Variants in SRD5A2 observed in about 807,000 individuals in gnomAD.
SRD5A2 encodes the protein 3-oxo-5-alpha-steroid 4-dehydrogenase 2.
A neutral mutation model predicts 27.4 loss-of-function variants in SRD5A2; 30 were observed. The ratio of observed to expected loss-of-function variants is 1.10; its 90% confidence interval spans 0.82 to 1.49. The LOEUF is 1.49. SRD5A2 is among the 40% of genes most tolerant of loss of function. The probability of loss-of-function intolerance (pLI) is 0.00; values close to 1 mark genes in which losing one functional copy is unlikely to be tolerated. For synonymous variants in SRD5A2, 141 were observed against 133.6 expected (o/e 1.06, Z -0.38); for missense variants, 348 against 323.4 (o/e 1.08, Z -0.58).
At chr2:31,532,951 C>A (rs1158407830) in intron 2 of SRD5A2, among the ~76,000 whole-genome samples, 1 of 152,096 alleles carries the variant, frequency 6.6e-6, no homozygotes, top group Non-Finnish European at 1.5e-5. Flanking sequence ...GGGGGCAAAG[C>A]CTTCTAGGCC....
chr2:31,619,640 G>C, the SRD5A2 span, among the ~76,000 whole-genome samples: 2 of 151,962 alleles, frequency 1.3e-5, no homozygotes, highest in Non-Finnish European at 2.9e-5. Context: ...CATTCAGACT[G>C]GTGTGAGGTG....
At chr2:31,609,037 G>A in the SRD5A2 span, among the ~76,000 whole-genome samples, 2 of 152,016 alleles carry the variant, frequency 1.3e-5, no homozygotes, top group Admixed American at 6.6e-5. Context: ...TCTACCACAT[G>A]AGAACACAAT....
At chr2:31,544,369 C>T (rs1258871772) in intron 1 of SRD5A2, among the ~76,000 whole-genome samples, 1 of 151,630 alleles carries the variant, frequency 6.6e-6, no homozygotes, top group Non-Finnish European at 1.5e-5. Flanking sequence ...CTGACCACAA[C>T]AGGATAAAGT....
chr2:31,652,915 C>T, the SRD5A2 span, among the ~76,000 whole-genome samples: 1 of 152,118 alleles, frequency 6.6e-6, no homozygotes, highest in African/African-American at 2.4e-5. Flanking sequence ...TCCTCTCTGC[C>T]AATGTGTGAG....
intron 2 of SRD5A2, among the ~76,000 whole-genome samples, chr2:31,532,465 T>C (rs1665930828): frequency 6.6e-6 from 1 of 151,896 alleles, no homozygotes; most frequent in Non-Finnish European, 1.5e-5. Flanking sequence ...CTTAGCCACA[T>C]ATCCTGGAGG....
the SRD5A2 span, among the ~76,000 whole-genome samples, chr2:31,598,170 C>T: frequency 2.0e-5 from 3 of 151,838 alleles, no homozygotes; most frequent in Non-Finnish European, 4.4e-5. Flanking sequence ...TAGTTGGATA[C>T]CATTATTTAA....
chr2:31,649,728 C>T, the SRD5A2 span, among the ~76,000 whole-genome samples: 1 of 152,044 alleles, frequency 6.6e-6, no homozygotes, highest in African/African-American at 2.4e-5. Context: ...TTCAGTATAG[C>T]ATTTTTTGAA....
At chr2:31,600,630 AC>A in the SRD5A2 span, among the ~76,000 whole-genome samples, 1 of 151,760 alleles carries the variant, frequency 6.6e-6, no homozygotes, top group Non-Finnish European at 1.5e-5. Flanking sequence ...GTACCACCAA[AC>A]TTTTAAAGAA....
the SRD5A2 span, among the ~76,000 whole-genome samples, chr2:31,596,362 T>G: frequency 8.1e-6 from 1 of 123,964 alleles, no homozygotes; most frequent in Non-Finnish European, 1.6e-5. Flanking sequence ...CACTCCAGCC[T>G]GGGTGACAGA....
the SRD5A2 span, among the ~76,000 whole-genome samples, chr2:31,630,311 C>T: frequency 4.1e-5 from 6 of 147,532 alleles, no homozygotes; most frequent in African/African-American, 7.5e-5. Context: ...GAGAGAGAGA[C>T]AGAGAGAGAG....
At chr2:31,627,123 T>C in the SRD5A2 span, among the ~76,000 whole-genome samples, 69 of 152,224 alleles carry the variant, frequency 4.5e-4, no homozygotes, top group Non-Finnish European at 8.1e-4. Flanking sequence ...CCATTTCTTC[T>C]AGATTTTCTA....
upstream of SRD5A2, among the ~76,000 whole-genome samples, chr2:31,585,372 C>T (rs534606363): frequency 2.2e-4 from 33 of 152,214 alleles, no homozygotes; most frequent in African/African-American, 7.5e-4. Context: ...GGCTGCACAA[C>T]TCACAACTCT....
Position 31,533,585 on chromosome 2 carries a change from G to T in SRD5A2, c.445+18C>A, listed in dbSNP as rs963617915. ...TTGTTAGCTGGGAAGTAGGTGAGAAGTGGGCAGATTCACTTACCCAAGCTA... is the reference window on the plus strand; with the variant it reads ...TTGTTAGCTGGGAAGTAGGTGAGAATTGGGCAGATTCACTTACCCAAGCTA... On this transcript the variant is annotated intron_variant, in intron 2 of 4. Coordinates refer to ENST00000622030, the MANE Select transcript of SRD5A2 (RefSeq NM_000348.4). 6 of 1,549,780 alleles carry T rather than the reference G, an allele frequency of 3.9e-6. No homozygotes were observed. In the African/African-American group the frequency reaches 6.8e-5, roughly 18 times the overall value.
At chr2:31,654,736 C>G in the SRD5A2 span, among the ~76,000 whole-genome samples, 1 of 152,178 alleles carries the variant, frequency 6.6e-6, no homozygotes, top group Non-Finnish European at 1.5e-5. Flanking sequence ...CTTTACTAGA[C>G]AGAACTAAAA....
chr2:31,616,757 C>G, the SRD5A2 span, among the ~76,000 whole-genome samples: 1 of 152,118 alleles, frequency 6.6e-6, no homozygotes, highest in Non-Finnish European at 1.5e-5. Context: ...TGAGTTAATG[C>G]TGACATGAGT....
At chr2:31,635,330 G>A in the SRD5A2 span, among the ~76,000 whole-genome samples, 1 of 151,966 alleles carries the variant, frequency 6.6e-6, no homozygotes, top group African/African-American at 2.4e-5. Flanking sequence ...TATACCTGTT[G>A]GCCATTTGTA....
the SRD5A2 span, among the ~76,000 whole-genome samples, chr2:31,625,280 A>T: frequency 2.6e-5 from 4 of 152,152 alleles, no homozygotes; most frequent in African/African-American, 9.7e-5. Context: ...AGATAGGTAT[A>T]TTGCAAAAAT....
the SRD5A2 span, among the ~76,000 whole-genome samples, chr2:31,649,752 C>T: frequency 2.6e-5 from 4 of 152,068 alleles, no homozygotes; most frequent in Non-Finnish European, 4.4e-5. Flanking sequence ...GTATATGATA[C>T]TGTCCCTGGA....
At chr2:31,554,503 C>T (rs1055879369) in intron 1 of SRD5A2, among the ~76,000 whole-genome samples, 1 of 152,074 alleles carries the variant, frequency 6.6e-6, no homozygotes, top group Non-Finnish European at 1.5e-5. Context: ...TGGATATCCC[C>T]AGGGAACACT....
Sources: gnomAD v4.1 joint callset for allele counts (sites outside exome capture counted in the v4.1 genomes callset) on GRCh38, gnomAD v4.1.1 for gene constraint, MANE v1.5 for transcripts, NCBI Gene and HGNC (gene_info 2026-07-23, HGNC 2026-07-21) for gene names.